Variants in ANGPTL5 observed in about 807,000 individuals in gnomAD.
ANGPTL5 encodes the protein angiopoietin like 5, also known as angiopoietin-related protein 5.
Under a neutral mutation model 39.4 loss-of-function variants are expected in ANGPTL5, and 34 were observed. That is an observed-to-expected ratio of 0.86 (90% CI 0.66 to 1.15). ANGPTL5 has a LOEUF of 1.15. Among genes scored for constraint, ANGPTL5 ranks in the 50% most tolerant of loss-of-function variants. The pLI, the probability that ANGPTL5 is intolerant of heterozygous loss-of-function variation, is 0.00. For synonymous variants in ANGPTL5, 146 were observed against 152.1 expected (o/e 0.96, Z 0.29); for missense variants, 467 against 457.5 (o/e 1.02, Z -0.19).
intron 1 of ANGPTL5, among the ~76,000 whole-genome samples, chr11:101,910,850 C>T (rs945985965): frequency 6.6e-6 from 1 of 152,106 alleles, no homozygotes; most frequent in African/African-American, 2.4e-5. Context: ...TGTTTCTGGT[C>T]TTATCTCCTA....
chr11:101,910,478 A>G lies in ANGPTL5; in HGVS notation c.-92-2477T>C, dbSNP rs115896947. Among the ~76,000 whole-genome samples the G allele has an allele frequency of 4.9e-3, 746 of 150,966 alleles. 4 individuals are homozygous for G. Among genetic ancestry groups the G allele is most frequent in the African/African-American group, 0.017 (714 of 41,222 alleles). On this transcript the variant is annotated intron_variant, in intron 1 of 8. Transcript: ENST00000334289. ...TAGATAAGTTATGTGAATATGCTTT[A>G]TAACCATAAAGTGGTTATTATTAGT...
intron 8 of ANGPTL5, 80 bp from the exon 9 acceptor site, chr11:101,891,678 G>C: frequency 7.6e-7 from 1 of 1,316,284 alleles, no homozygotes; most frequent in Non-Finnish European, 1.1e-6. Flanking sequence ...TATTAGGCAA[G>C]AGCACCACAT....
At chr11:101,903,305 C>A (rs773030325) in intron 5 of ANGPTL5, among the ~76,000 whole-genome samples, 1 of 152,114 alleles carries the variant, frequency 6.6e-6, no homozygotes, top group African/African-American at 2.4e-5. Context: ...TATAGCACCC[C>A]ATAATCACCT....
chr11:101,911,094 CTTTTTTTTTTTTTTTTTTTTTTTTTTT>C (rs71059524), intron 1 of ANGPTL5, among the ~76,000 whole-genome samples: 115 of 54,986 alleles, frequency 2.1e-3, no homozygotes, highest in South Asian at 0.014. Context: ...CTACCCAAAT[CTTTTTTTTTTTTTTTTTTTTTTTTTTT>C]TTTTTTTTTT....
At chr11:101,908,451 CAGATA>C (rs1044701853) in intron 1 of ANGPTL5, among the ~76,000 whole-genome samples, 5 of 152,228 alleles carry the variant, frequency 3.3e-5, no homozygotes, top group Admixed American at 3.3e-4. Context: ...ACATCCAGAG[CAGATA>C]ATTCAGACTT....
intron 1 of ANGPTL5, chr11:101,915,114 C>A: frequency 2.0e-6 from 2 of 992,662 alleles, no homozygotes; most frequent in Non-Finnish European, 1.4e-6. Context: ...CCGCTACAGG[C>A]ACCAGTGCCG....
chr11:101,907,788 TA>T, intron 2 of ANGPTL5, 25 bp downstream of exon 2: 1 of 1,446,914 alleles, frequency 6.9e-7, no homozygotes, highest in Non-Finnish European at 9.7e-7. Context: ...CTTTCCTAGC[TA>T]ATATAATATT....
chr11:101,893,785 T>G (rs1939745674), intron 8 of ANGPTL5, among the ~76,000 whole-genome samples: 1 of 152,186 alleles, frequency 6.6e-6, no homozygotes, highest in East Asian at 1.9e-4. Context: ...ATATCACAAG[T>G]GTAAACCCCT....
intron 1 of ANGPTL5, among the ~76,000 whole-genome samples, chr11:101,909,508 A>G (rs1195171121): frequency 1.3e-5 from 2 of 152,258 alleles, no homozygotes; most frequent in African/African-American, 4.8e-5. Context: ...GCAAATACAC[A>G]TATTGTAATC....
intron 1 of ANGPTL5, among the ~76,000 whole-genome samples, chr11:101,910,424 A>T (rs12794983): frequency 0.39 from 49,706 of 126,718 alleles, 9,978 homozygotes; most frequent in East Asian, 0.57. Flanking sequence ...AAAAAAAAAA[A>T]ATATATATAT....
chr11:101,903,177 G>A (rs1020388717), intron 5 of ANGPTL5, among the ~76,000 whole-genome samples: 3 of 152,112 alleles, frequency 2.0e-5, no homozygotes, highest in African/African-American at 7.2e-5. Context: ...CAACTTCAGA[G>A]ACTGATGTGT....
chr11:101,911,955 C>T (rs1299615771), intron 1 of ANGPTL5, among the ~76,000 whole-genome samples: 2 of 152,170 alleles, frequency 1.3e-5, no homozygotes, highest in African/African-American at 4.8e-5. Context: ...TCATTCAGAC[C>T]TCTGTCCTAA....
chr11:101,907,682 T>TGTA, intron 2 of ANGPTL5, 132 bp downstream of exon 2: 1 of 676,252 alleles, frequency 1.5e-6, no homozygotes, highest in Non-Finnish European at 2.5e-6. Flanking sequence ...ATTTTCAACA[T>TGTA]TTCTAAATAC....
intron 6 of ANGPTL5, among the ~76,000 whole-genome samples, chr11:101,900,945 G>A (rs1009980815): frequency 1.3e-5 from 2 of 150,660 alleles, no homozygotes; most frequent in South Asian, 2.1e-4. Context: ...TCCGCCTCCC[G>A]GGTTCACGCC....
At chr11:101,896,537 T>G (rs1565338540) in intron 7 of ANGPTL5, among the ~76,000 whole-genome samples, 1 of 152,122 alleles carries the variant, frequency 6.6e-6, no homozygotes, top group Non-Finnish European at 1.5e-5. Context: ...CTCCTGTGTG[T>G]GATGTTCCCC....
intron 1 of ANGPTL5, chr11:101,915,470 T>C: frequency 6.4e-7 from 1 of 1,562,584 alleles, no homozygotes. Flanking sequence ...GGCCCATCTT[T>C]TTCCAATTAG....
At chr11:101,893,568 G>A (rs1387247629) in intron 8 of ANGPTL5, among the ~76,000 whole-genome samples, 4 of 152,036 alleles carry the variant, frequency 2.6e-5, no homozygotes, top group African/African-American at 7.2e-5. Context: ...CTTTTGTAAC[G>A]AAAAAACTTT....
rs956114856 is a variant in ANGPTL5, at chr11:101,910,341, T to C, written c.-92-2340A>G. 2.0e-5 allele frequency among the ~76,000 whole-genome samples: 3 copies of C among 146,862 alleles called. No individual in the cohort carries two copies. In the East Asian group the frequency reaches 6.0e-4, roughly 29 times the overall value. On this transcript the variant is annotated intron_variant, in intron 1 of 8. Coordinates refer to ENST00000334289, the MANE Select transcript of ANGPTL5 (RefSeq NM_178127.5). Reference sequence around the variant, plus strand: ...AGGAGGATTGCTTGAACCCGGGAGGTAGAGGTTGTGGTGAGCCGAGATCAT... The same window carrying C: ...AGGAGGATTGCTTGAACCCGGGAGGCAGAGGTTGTGGTGAGCCGAGATCAT...
intron 5 of ANGPTL5, among the ~76,000 whole-genome samples, chr11:101,903,620 T>C (rs1249121485): frequency 6.6e-6 from 1 of 152,132 alleles, no homozygotes; most frequent in Non-Finnish European, 1.5e-5. Flanking sequence ...AGTCACTTGT[T>C]TTCCCCTTCG....
Sources: gnomAD v4.1 joint callset for allele counts (sites outside exome capture counted in the v4.1 genomes callset) on GRCh38, gnomAD v4.1.1 for gene constraint, MANE v1.5 for transcripts, NCBI Gene and HGNC (gene_info 2026-07-23, HGNC 2026-07-21) for gene names.